Variants in ANKS1B observed in about 807,000 individuals in gnomAD.
The protein encoded by ANKS1B is ankyrin repeat and sterile alpha motif domain-containing protein 1B.
Under a neutral mutation model 148.3 loss-of-function variants are expected in ANKS1B, and 36 were observed. That is an observed-to-expected ratio of 0.24 (90% CI 0.19 to 0.32). ANKS1B has a LOEUF of 0.32. ANKS1B is among the 10% of genes least tolerant of loss of function. ANKS1B has a pLI of 1.00. For synonymous variants in ANKS1B, 542 were observed against 560.8 expected (o/e 0.97, Z 0.47); for missense variants, 1,157 against 1,542.6 (o/e 0.75, Z 4.19).
intron 8 of ANKS1B, among the ~76,000 whole-genome samples, chr12:99,750,352 T>C (rs1163648210): frequency 6.6e-6 from 1 of 152,102 alleles, no homozygotes; most frequent in Non-Finnish European, 1.5e-5. Flanking sequence ...TAATTGTTGC[T>C]ATATAAACAT....
intron 17 of ANKS1B, among the ~76,000 whole-genome samples, chr12:99,037,112 T>C (rs1393561744): frequency 6.6e-6 from 1 of 152,208 alleles, no homozygotes; most frequent in Non-Finnish European, 1.5e-5. Context: ...ACTTATCCCA[T>C]CACGTTCAAA....
intron 15 of ANKS1B, among the ~76,000 whole-genome samples, chr12:99,122,852 G>A (rs2063236156): frequency 2.0e-5 from 3 of 151,994 alleles, no homozygotes; most frequent in African/African-American, 7.3e-5. Flanking sequence ...TCAAAAGTAT[G>A]CATTAGCAAG....
intron 17 of ANKS1B, among the ~76,000 whole-genome samples, chr12:98,999,288 A>T (rs1429248590): frequency 1.3e-5 from 2 of 152,262 alleles, no homozygotes; most frequent in African/African-American, 2.4e-5. Context: ...AAGGGGCTAC[A>T]TTAGCAGCTT....
intron 12 of ANKS1B, among the ~76,000 whole-genome samples, chr12:99,360,463 T>C (rs1042130286): frequency 6.6e-6 from 1 of 152,018 alleles, no homozygotes; most frequent in Non-Finnish European, 1.5e-5. Context: ...CAACTATTCA[T>C]CCCCTCCCTC....
intron 9 of ANKS1B, among the ~76,000 whole-genome samples, chr12:99,638,388 G>C (rs1229095468): frequency 6.6e-6 from 1 of 152,198 alleles, no homozygotes; most frequent in Non-Finnish European, 1.5e-5. Flanking sequence ...TGAAGTCCAG[G>C]CTGAGGTGTC....
At chr12:98,905,825 T>C (rs2099778246) in intron 17 of ANKS1B, among the ~76,000 whole-genome samples, 1 of 151,952 alleles carries the variant, frequency 6.6e-6, no homozygotes, top group South Asian at 2.1e-4. Flanking sequence ...CAGGCATTTT[T>C]CAGCCACAAA....
At position 99,666,876 on chromosome 12, in the gene ANKS1B, GT is replaced by G. The variant is rs1411878452; in HGVS notation, c.1129-11667del. ...CTATGGGGTGTGTGTGTGTGTGTGT[GT>G]GTGTGTGTGTGTGTGTGTGGTGAGG... On this transcript the variant is annotated intron_variant, in intron 8 of 26. Transcript: ENST00000683438. Among the ~76,000 whole-genome samples the G allele has an allele frequency of 1.9e-4, 27 of 142,924 alleles. 1 individual carries two copies. Among genetic ancestry groups the G allele is most frequent in the Non-Finnish European group, 2.4e-4 (15 of 63,508 alleles). The allele number at this position is 142,924 out of a possible 152,430, so 93.8% of individuals were successfully genotyped here. A position where few individuals can be genotyped will look rare whatever the true frequency, so the allele number is the denominator to read the frequency against.
chr12:99,765,768 C>A (rs2062585220), intron 8 of ANKS1B, among the ~76,000 whole-genome samples: 2 of 152,028 alleles, frequency 1.3e-5, no homozygotes. Context: ...CAAAATTGGA[C>A]AAAGTCTGTG....
intron 16 of ANKS1B, among the ~76,000 whole-genome samples, chr12:99,062,338 AT>A (rs1202877047): frequency 6.6e-6 from 1 of 152,156 alleles, no homozygotes; most frequent in Non-Finnish European, 1.5e-5. Context: ...AATCTTTGTT[AT>A]TTTTTTTCTG....
At chr12:98,915,976 C>A (rs979023209) in intron 17 of ANKS1B, among the ~76,000 whole-genome samples, 1 of 152,068 alleles carries the variant, frequency 6.6e-6, no homozygotes, top group African/African-American at 2.4e-5. Context: ...ATCTCCGGAG[C>A]CCCTTCACCA....
At position 99,326,944 on chromosome 12, in the gene ANKS1B, T is replaced by C. The variant is rs556548805; in HGVS notation, c.1756+72687A>G. On this transcript the variant is annotated intron_variant, in intron 12 of 26. Coordinates refer to ENST00000683438, the MANE Select transcript of ANKS1B (RefSeq NM_001352186.2). ...TAAAATATAAAGTTCACAAATACTA[T>C]ATGAACATCATAGAGTATATGTATA... 2.0e-4 allele frequency among the ~76,000 whole-genome samples: 29 copies of C among 146,368 alleles called. No homozygotes were observed. In the East Asian group the frequency reaches 4.3e-3, roughly 22 times the overall value.
chr12:99,185,111 C>T (rs745781811), intron 14 of ANKS1B, among the ~76,000 whole-genome samples: 20 of 152,146 alleles, frequency 1.3e-4, no homozygotes, highest in African/African-American at 3.9e-4. Context: ...CATCAGAACA[C>T]GATGAGTGAC....
chr12:99,377,084 T>G (rs1177381380), intron 12 of ANKS1B, among the ~76,000 whole-genome samples: 2 of 151,894 alleles, frequency 1.3e-5, no homozygotes. Context: ...CTTGGCCCAC[T>G]GCAACTTCCG....
intron 8 of ANKS1B, among the ~76,000 whole-genome samples, chr12:99,713,845 T>A (rs1446197044): frequency 2.0e-5 from 3 of 152,180 alleles, no homozygotes; most frequent in Non-Finnish European, 4.4e-5. Flanking sequence ...TCTTCCAGCC[T>A]CTTCCCACTG....
chr12:99,856,930 C>T (rs2089217510), intron 1 of ANKS1B, among the ~76,000 whole-genome samples: 1 of 152,174 alleles, frequency 6.6e-6, no homozygotes, highest in Admixed American at 6.5e-5. Flanking sequence ...CAACATTATA[C>T]TGAACAGGAA....
At chr12:99,614,789 A>G (rs2097937293) in intron 9 of ANKS1B, among the ~76,000 whole-genome samples, 1 of 151,716 alleles carries the variant, frequency 6.6e-6, no homozygotes, top group Non-Finnish European at 1.5e-5. Flanking sequence ...TCATTATTTC[A>G]TTATTCTTCC....
At chr12:98,943,601 C>A (rs913178916) in intron 17 of ANKS1B, among the ~76,000 whole-genome samples, 1 of 152,148 alleles carries the variant, frequency 6.6e-6, no homozygotes, top group African/African-American at 2.4e-5. Context: ...AGGCTGAGTT[C>A]TTCCCATGCT....
chr12:99,412,821 T>C (rs7961745), intron 11 of ANKS1B, among the ~76,000 whole-genome samples: 61,675 of 152,080 alleles, frequency 0.41, 12,938 homozygotes, highest in East Asian at 0.5. Context: ...TGAGGAAGTC[T>C]GGACAACTCG....
At chr12:99,137,043 G>A (rs1051232215) in intron 15 of ANKS1B, among the ~76,000 whole-genome samples, 1 of 152,130 alleles carries the variant, frequency 6.6e-6, no homozygotes, top group Non-Finnish European at 1.5e-5. Context: ...GTGCTTTCAA[G>A]GACACAAGAG....
Sources: allele counts gnomAD v4.1 joint callset (sites outside exome capture counted in the v4.1 genomes callset), GRCh38; gene constraint gnomAD v4.1.1; transcripts MANE v1.5; gene names NCBI Gene and HGNC (gene_info 2026-07-23, HGNC 2026-07-21).